The following LRP1 variants were observed in gnomAD, a reference collection of about 807,000 sequenced individuals.
The protein encoded by LRP1 is prolow-density lipoprotein receptor-related protein 1.
Under a neutral mutation model 541.5 loss-of-function variants are expected in LRP1, and 51 were observed. That is an observed-to-expected ratio of 0.09 (90% confidence interval 0.08 to 0.12). The LOEUF is 0.12. LRP1 is among the 10% of genes least tolerant of loss of function. LRP1 has a pLI of 1.00. For missense variants in LRP1, 3,878 were observed against 6,376.2 expected (o/e 0.61, Z 13.34); for synonymous variants, 2,219 against 2,470.8 (o/e 0.90, Z 3.02).
intron 48 of LRP1, 124 bp downstream of exon 48, chr12:57,194,136 C>G: frequency 1.9e-6 from 2 of 1,026,628 alleles, no homozygotes; most frequent in South Asian, 3.1e-5. Flanking sequence ...CGCTGACAGC[C>G]TCCATCTCCC....
In LRP1 at chr12:57,200,834, A is replaced by ACCCCCCC; in HGVS notation, c.10225+22_10225+23insCCCCCCC. On this transcript the variant is annotated intron_variant, in intron 64 of 88. Transcript: ENST00000243077. ...AACTGTGGTAAGGCGCTGCCCGCCC[A>ACCCCCCC]CCCTCCCTCCTTCCCCAGCATCTTC... The ACCCCCCC allele has an allele frequency of 1.6e-6, 1 of 629,446 alleles. No individual in the cohort carries two copies. The highest frequency in any genetic ancestry group is 2.2e-6 in the Non-Finnish European group (1 of 451,678). The allele number at this position is 629,446 out of a possible 1,614,324, so 39.0% of individuals were successfully genotyped here.
chr12:57,204,389 C>T lies in LRP1; in HGVS notation c.10952-21C>T, dbSNP rs1002449789. The T allele has an allele frequency of 6.6e-7, 1 of 1,514,658 alleles. No homozygotes were observed. The highest frequency in any genetic ancestry group is 1.3e-5 in the South Asian group (1 of 75,210). 93.8% of individuals were successfully genotyped at this position (1,514,658 alleles called of 1,614,324 possible). On this transcript the variant is annotated intron_variant, in intron 70 of 88. Coordinates refer to ENST00000243077, the MANE Select transcript of LRP1 (RefSeq NM_002332.3). This position sits in a 1 kb window ranked among gnomAD's most constrained non-coding sequence, Gnocchi z 5.3. ...GGTGGGCTCATGGCTCATTCTATCT[C>T]TTGGCTCCCCCTGGCACCAGTGCGG...
rs938673735 is a variant in LRP1 at position 57,206,129 on chromosome 12, G to A, written c.11591-344G>A. On this transcript the variant is annotated intron_variant, in intron 75 of 88. Transcript: ENST00000243077. This position sits in a 1 kb window ranked among gnomAD's most constrained non-coding sequence, Gnocchi z 4.7. Reference sequence around the variant, plus strand: ...TCCATGCCAAGCACACACACCCCATGTGCCTATGCACCCCCGAGCATGTGC... The same window carrying A: ...TCCATGCCAAGCACACACACCCCATATGCCTATGCACCCCCGAGCATGTGC... Among the ~76,000 whole-genome samples, 1 of 152,228 alleles carries A rather than the reference G, an allele frequency of 6.6e-6. No homozygotes were observed. The highest frequency in any genetic ancestry group is 1.5e-5 in the Non-Finnish European group (1 of 68,034).
chr12:57,209,321 C>G, intron 79 of LRP1, 122 bp downstream of exon 79: 1 of 798,776 alleles, frequency 1.3e-6, no homozygotes, highest in African/African-American at 1.7e-5. Context: ...AGCAATGCTG[C>G]AGCGCCTTCC....
At position 57,179,236 on chromosome 12, in the gene LRP1, C is replaced by T; in HGVS notation, c.4739-93C>T. 8.2e-7 allele frequency: 1 copy of T among 1,219,884 alleles called. No individual in the cohort carries two copies. Among genetic ancestry groups the T allele is most frequent in the South Asian group, 1.4e-5 (1 of 72,076 alleles). The allele number at this position is 1,219,884 out of a possible 1,614,324, so 75.6% of individuals were successfully genotyped here. A position where few individuals can be genotyped will look rare whatever the true frequency, so the allele number is the denominator to read the frequency against. The stretch of plus-strand genomic sequence containing the variant: ...CACGGAGCCAAGGGCCAGTAGCAAA[C>T]AGACGGATCCAGAAGAAGGCAGGGC... On this transcript the variant is annotated intron_variant, in intron 28 of 88. Coordinates refer to ENST00000243077, the MANE Select transcript of LRP1 (RefSeq NM_002332.3). This position sits in a 1 kb window ranked among gnomAD's most constrained non-coding sequence, Gnocchi z 6.8.
chr12:57,196,562 C>G (rs928754335), intron 55 of LRP1, among the ~76,000 whole-genome samples: 4 of 152,118 alleles, frequency 2.6e-5, no homozygotes, highest in Non-Finnish European at 5.9e-5. Flanking sequence ...AGAGGGAAGT[C>G]TGGGAGTTAT....
chr12:57,158,468 T>C lies in LRP1; in HGVS notation c.1628T>C (p.Met543Thr), dbSNP rs372427130. 1.9e-5 allele frequency: 31 copies of C among 1,614,160 alleles called. No individual in the cohort carries two copies. In the African/African-American group the frequency reaches 4.1e-4, roughly 22 times the overall value. The part of the protein sequence containing the change: ...GRPGIIRGMD[M>T]GAKVPDEHMI... ...CCAGGCATCATCCGGGGCATGGATA[T>C]GGGGGCCAAGGTCCCGGATGAGCAC... Residue 543 changes from methionine to threonine, a missense_variant, in exon 11 of 89, where the codon ATG becomes ACG. Coordinates refer to ENST00000243077, the MANE Select transcript of LRP1 (RefSeq NM_002332.3). The surrounding 1 kb of genome is among the most constrained non-coding windows in gnomAD (Gnocchi z 5.3).
chr12:57,206,569 G>A lies in LRP1; in HGVS notation c.11687G>A (p.Gly3896Asp). 6.2e-7 allele frequency: 1 copy of A among 1,614,182 alleles called. No individual in the cohort carries two copies. The highest frequency in any genetic ancestry group is 8.5e-7 in the Non-Finnish European group (1 of 1,180,038). Reference sequence around the variant, plus strand: ...TCGGCTTACGAGCAGGCATTCCAGGGTGACGAGAGTGTCCGCATTGATGCT... The same window carrying A: ...TCGGCTTACGAGCAGGCATTCCAGGATGACGAGAGTGTCCGCATTGATGCT... The part of the protein sequence containing the change: ...PHSAYEQAFQ[G>D]DESVRIDAMD... Residue 3896 changes from glycine (G) to aspartate (D), a missense_variant, in exon 76 of 89, where the codon GGT becomes GAT. Coordinates refer to ENST00000243077, the MANE Select transcript of LRP1 (RefSeq NM_002332.3). This position sits in a 1 kb window ranked among gnomAD's most constrained non-coding sequence, Gnocchi z 4.7.
At chr12:57,151,498 C>T (rs2035524778) in intron 6 of LRP1, among the ~76,000 whole-genome samples, 1 of 152,254 alleles carries the variant, frequency 6.6e-6, no homozygotes, top group African/African-American at 2.4e-5. Context: ...GGATTTTCGG[C>T]CTTTGGCCAG....
chr12:57,133,881 C>G (rs2035094649), intron 1 of LRP1, among the ~76,000 whole-genome samples: 1 of 152,054 alleles, frequency 6.6e-6, no homozygotes, highest in Non-Finnish European at 1.5e-5. Flanking sequence ...AAGGGGGTAT[C>G]AAAGGATGGG....
chr12:57,156,621 G>GC lies in LRP1; in HGVS notation c.1418-155dup, dbSNP rs1437579716. ...AGTTTGAAGGCTGGGTTGTTGGGGG[G>GC]CAGAGGGTTTCCACCCCTGTGGCTT... On this transcript the variant is annotated intron_variant, in intron 9 of 88. Coordinates refer to ENST00000243077, the MANE Select transcript of LRP1 (RefSeq NM_002332.3). The surrounding 1 kb of genome is among the most constrained non-coding windows in gnomAD (Gnocchi z 5.2). Among the ~76,000 whole-genome samples, 1 of 152,228 alleles carries GC rather than the reference G, an allele frequency of 6.6e-6. No individual in the cohort carries two copies. Among genetic ancestry groups the GC allele is most frequent in the East Asian group, 1.9e-4 (1 of 5,194 alleles).
Position 57,178,735 on chromosome 12 carries a change from C to T in LRP1, c.4606+132C>T, listed in dbSNP as rs1003280940. On this transcript the variant is annotated intron_variant, in intron 27 of 88. Transcript: ENST00000243077. The surrounding 1 kb of genome is among the most constrained non-coding windows in gnomAD (Gnocchi z 5.8). The stretch of plus-strand genomic sequence containing the variant: ...TGCTGGGATGGCAGGGGTAGGCCGG[C>T]TGTTGACAGAGGCACTGTCTAGCAG... The T allele has an allele frequency of 1.3e-6, 2 of 1,519,100 alleles. No individual in the cohort carries two copies. The highest frequency in any genetic ancestry group is 1.8e-6 in the Non-Finnish European group (2 of 1,121,200). The allele number at this position is 1,519,100 out of a possible 1,614,324, so 94.1% of individuals were successfully genotyped here.
intron 10 of LRP1, among the ~76,000 whole-genome samples, chr12:57,157,780 A>G (rs1255616299): frequency 6.6e-6 from 1 of 152,220 alleles, no homozygotes; most frequent in Non-Finnish European, 1.5e-5. Flanking sequence ...AACAGTGCAA[A>G]GGCCCTGAGG....
Position 57,190,736 on chromosome 12 carries a change from T to A in LRP1, c.7032-69T>A, listed in dbSNP as rs551832690. 1.0e-5 allele frequency: 15 copies of A among 1,472,202 alleles called. 1 individual carries two copies. The East Asian group carries it at 1.9e-4, about 18-fold the overall frequency. The allele number at this position is 1,472,202 out of a possible 1,614,324, so 91.2% of individuals were successfully genotyped here. On this transcript the variant is annotated intron_variant, in intron 42 of 88. Coordinates refer to ENST00000243077, the MANE Select transcript of LRP1 (RefSeq NM_002332.3). ...CTTCCAGGTTCCAGGTGCCTACGCG[T>A]CCTGGCCTGTGCCCTCTGTTGTGGA... is the stretch of plus-strand genomic sequence containing the variant.
chr12:57,178,481 A>T lies in LRP1; in HGVS notation c.4484A>T (p.Asp1495Val). The change falls in exon 27 of 89, where the codon GAC (aspartate) becomes GTC (valine). Residue 1495 changes from aspartate (D) to valine (V), a missense_variant. Transcript: ENST00000243077. The surrounding 1 kb of genome is among the most constrained non-coding windows in gnomAD (Gnocchi z 5.8). ...TACGGGGGGGAGGTCTACTGGACTG[A>T]CTGGCGAACAAACACACTGGCTAAG... ...TLYGGEVYWT[D>V]WRTNTLAKAN... The T allele has an allele frequency of 6.2e-7, 1 of 1,614,214 alleles. No individual in the cohort carries two copies. Among genetic ancestry groups the T allele is most frequent in the Non-Finnish European group, 8.5e-7 (1 of 1,180,020 alleles).
chr12:57,205,415 C>T lies in LRP1; in HGVS notation c.11400C>T (p.Arg3800=), dbSNP rs1159989115. The T allele has an allele frequency of 6.2e-7, 1 of 1,609,144 alleles. No homozygotes were observed. Among genetic ancestry groups the T allele is most frequent in the Non-Finnish European group, 8.5e-7 (1 of 1,179,690 alleles). The part of the protein sequence containing the change: ...SICGDEARCV[R]TEKAAYCACR... ...GTGGGGACGAGGCACGCTGCGTGCGCACCGAGAAAGCGGCCTACTGTGCCT... is the reference window on the plus strand; with the variant it reads ...GTGGGGACGAGGCACGCTGCGTGCGTACCGAGAAAGCGGCCTACTGTGCCT... Residue 3800 remains arginine (R), a synonymous_variant, in exon 74 of 89, where the codon CGC becomes CGT. Transcript: ENST00000243077. The surrounding 1 kb of genome is among the most constrained non-coding windows in gnomAD (Gnocchi z 4.6).
Position 57,138,483 on chromosome 12 carries a change from A to G in LRP1, c.92A>G (p.Gln31Arg). The G allele has an allele frequency of 1.2e-6, 2 of 1,614,004 alleles. No individual in the cohort carries two copies. Among genetic ancestry groups the G allele is most frequent in the East Asian group, 2.2e-5 (1 of 44,872 alleles). Residue 31 changes from glutamine to arginine, a missense_variant, in exon 2 of 89, where the codon CAG (glutamine) becomes CGG (arginine). Gln to Arg is a conservative substitution (Grantham distance 43). Coordinates refer to ENST00000243077, the MANE Select transcript of LRP1 (RefSeq NM_002332.3). The stretch of plus-strand genomic sequence containing the variant: ...GCCCCTAAGACTTGCAGCCCCAAGC[A>G]GTTTGCCTGCAGAGATCAAATAACC... ...IDAPKTCSPK[Q>R]FACRDQITCI...
rs141393147 is a variant in LRP1, at chr12:57,197,130, G to A, written c.9041G>A (p.Arg3014His). 103 of 1,613,856 alleles carry A rather than the reference G, an allele frequency of 6.4e-5. 3 individuals are homozygous for A. The highest frequency in any genetic ancestry group is 3.3e-4 in the Middle Eastern group (2 of 6,084). Residue 3014 changes from arginine (R) to histidine (H), a missense_variant, in exon 56 of 89, where the codon CGC becomes CAC. Around this residue, in one of 13 missense-constraint regions of LRP1, gnomAD observed 1,100 missense variants for 1,827.4 expected, o/e 0.60. Coordinates refer to ENST00000243077, the MANE Select transcript of LRP1 (RefSeq NM_002332.3). The surrounding 1 kb of genome is among the most constrained non-coding windows in gnomAD (Gnocchi z 4.5). ...CTGTGTGTGGAGGGCTATGCACCCC[G>A]CGGCGGCGACCCCCACAGCTGCAAG... is the stretch of plus-strand genomic sequence containing the variant. ...KCLCVEGYAP[R>H]GGDPHSCKAV...
At chr12:57,172,507 C>A (rs1320445966) in intron 20 of LRP1, among the ~76,000 whole-genome samples, 1 of 152,150 alleles carries the variant, frequency 6.6e-6, no homozygotes, top group Admixed American at 6.5e-5. Flanking sequence ...AGTCCTATCT[C>A]GGAGATGAGA....
Sources: gnomAD v4.1 joint callset for allele counts (sites outside exome capture counted in the v4.1 genomes callset) on GRCh38, gnomAD v4.1.1 for gene constraint, gnomAD v4.1.1 regional missense constraint, Gnocchi (gnomAD v3.1) non-coding constraint, MANE v1.5 for transcripts, NCBI Gene and HGNC (gene_info 2026-07-23, HGNC 2026-07-21) for gene names.